The following DYNC1I1 variants were observed in gnomAD, a reference collection of about 807,000 sequenced individuals.
The protein encoded by DYNC1I1 is dynein cytoplasmic 1 intermediate chain 1.
A neutral mutation model predicts 86.6 loss-of-function variants in DYNC1I1; 43 were observed. The ratio of observed to expected loss-of-function variants is 0.50; its 90% CI spans 0.39 to 0.64. The LOEUF (loss-of-function observed/expected upper bound fraction) is 0.64. DYNC1I1 is among the 30% of genes least tolerant of loss of function. The pLI is 0.00. For missense variants in DYNC1I1, 604 were observed against 788.8 expected, an observed-to-expected ratio of 0.77 and a Z score of 2.81; for synonymous variants, 262 against 283.7, an observed-to-expected ratio of 0.92 and a Z score of 0.77.
chr7:95,992,289 A>C (rs1030994813), intron 9 of DYNC1I1, among the ~76,000 whole-genome samples: 1 of 152,172 alleles, frequency 6.6e-6, no homozygotes, highest in African/African-American at 2.4e-5. Flanking sequence ...CCTATAGAGA[A>C]GAGCCTATTA....
chr7:96,022,580 A>G (rs1794580345), intron 10 of DYNC1I1, among the ~76,000 whole-genome samples: 1 of 152,062 alleles, frequency 6.6e-6, no homozygotes, highest in Admixed American at 6.6e-5. Flanking sequence ...AAGAAAAAAG[A>G]GGCTGGATAT....
At chr7:95,825,391 A>T (rs1795183031) in intron 4 of DYNC1I1, among the ~76,000 whole-genome samples, 3 of 152,122 alleles carry the variant, frequency 2.0e-5, no homozygotes, top group Non-Finnish European at 2.9e-5. Context: ...AGTTGATCCT[A>T]CTCCTTGCAA....
At chr7:96,025,121 G>A (rs1458030156) in intron 10 of DYNC1I1, among the ~76,000 whole-genome samples, 3 of 152,066 alleles carry the variant, frequency 2.0e-5, no homozygotes, top group Non-Finnish European at 2.9e-5. Context: ...CCAAATGTTG[G>A]CCACCATTAC....
chr7:95,861,712 G>A (rs1367012375), intron 5 of DYNC1I1, among the ~76,000 whole-genome samples: 1 of 152,112 alleles, frequency 6.6e-6, no homozygotes, highest in Non-Finnish European at 1.5e-5. Context: ...ATCCGAATGT[G>A]AATTGTATAG....
intron 14 of DYNC1I1, among the ~76,000 whole-genome samples, chr7:96,039,730 A>T (rs984060384): frequency 6.6e-6 from 1 of 151,788 alleles, no homozygotes; most frequent in South Asian, 2.1e-4. Context: ...CACTGCCTGC[A>T]CCTCAGTCCC....
At chr7:96,038,075 A>T (rs1369996940) in intron 13 of DYNC1I1, among the ~76,000 whole-genome samples, 1 of 152,178 alleles carries the variant, frequency 6.6e-6, no homozygotes, top group Non-Finnish European at 1.5e-5. Flanking sequence ...CCTCGGGTTC[A>T]TTAGAACAAA....
intron 10 of DYNC1I1, among the ~76,000 whole-genome samples, chr7:96,026,056 G>A (rs1376155232): frequency 6.6e-6 from 1 of 152,118 alleles, no homozygotes; most frequent in African/African-American, 2.4e-5. Context: ...TTCATCAATT[G>A]AAAGCTAAGA....
chr7:96,050,583 G>A (rs1789377111), intron 14 of DYNC1I1, among the ~76,000 whole-genome samples: 2 of 152,074 alleles, frequency 1.3e-5, no homozygotes, highest in Non-Finnish European at 2.9e-5. Flanking sequence ...TATTTTGGGG[G>A]TGCTAAGTTC....
At chr7:96,093,294 C>G (rs1790901484) in intron 16 of DYNC1I1, among the ~76,000 whole-genome samples, 1 of 152,116 alleles carries the variant, frequency 6.6e-6, no homozygotes, top group Admixed American at 6.6e-5. Flanking sequence ...ATATCATCAT[C>G]CTTATTTTAC....
intron 5 of DYNC1I1, among the ~76,000 whole-genome samples, chr7:95,856,296 TAC>T (rs1438092116): frequency 6.6e-6 from 1 of 152,214 alleles, no homozygotes; most frequent in African/African-American, 2.4e-5. Context: ...GGGGCAATAA[TAC>T]ACATGAAGCT....
intron 6 of DYNC1I1, among the ~76,000 whole-genome samples, chr7:95,973,750 A>C (rs745733620): frequency 5.3e-5 from 8 of 152,154 alleles, no homozygotes; most frequent in Non-Finnish European, 1.2e-4. Flanking sequence ...GACTCTTCTG[A>C]GAATTAATGT....
At chr7:96,042,464 A>G (rs1409364398) in intron 14 of DYNC1I1, among the ~76,000 whole-genome samples, 1 of 152,214 alleles carries the variant, frequency 6.6e-6, no homozygotes, top group East Asian at 1.9e-4. Context: ...CCACTCAAGG[A>G]AACCAGGGAT....
chr7:95,984,763 G>A, intron 7 of DYNC1I1, 52 bp from the exon 8 acceptor site: 1 of 1,529,222 alleles, frequency 6.5e-7, no homozygotes, highest in Non-Finnish European at 8.7e-7. Flanking sequence ...AGTTTTAATT[G>A]TCACTTTTTC....
chr7:96,103,422 T>A (rs1193390124), downstream of DYNC1I1, among the ~76,000 whole-genome samples: 1 of 152,218 alleles, frequency 6.6e-6, no homozygotes, highest in Non-Finnish European at 1.5e-5. Flanking sequence ...ATCATCTCTG[T>A]CATGATTCTG....
At chr7:96,038,372 T>C (rs182573762) in intron 13 of DYNC1I1, among the ~76,000 whole-genome samples, 1 of 152,198 alleles carries the variant, frequency 6.6e-6, no homozygotes, top group Non-Finnish European at 1.5e-5. Flanking sequence ...TTTTCTCACA[T>C]CTTCCTAATT....
At chr7:95,984,089 A>G (rs977120008) in intron 7 of DYNC1I1, among the ~76,000 whole-genome samples, 1 of 152,200 alleles carries the variant, frequency 6.6e-6, no homozygotes, top group African/African-American at 2.4e-5. Flanking sequence ...ATGACATGCT[A>G]CTAGTTATTT....
At chr7:95,896,739 A>G (rs932727779) in intron 6 of DYNC1I1, among the ~76,000 whole-genome samples, 1 of 152,152 alleles carries the variant, frequency 6.6e-6, no homozygotes, top group African/African-American at 2.4e-5. Context: ...GGGAATTACA[A>G]ATGACTCTAA....
chr7:96,022,377 G>A (rs932840484), intron 10 of DYNC1I1, among the ~76,000 whole-genome samples: 1 of 152,112 alleles, frequency 6.6e-6, no homozygotes, highest in African/African-American at 2.4e-5. Context: ...TCAAATTTTA[G>A]AATCAGCTGC....
At chr7:95,779,448 C>T (rs372812407) in intron 1 of DYNC1I1, among the ~76,000 whole-genome samples, 14 of 152,220 alleles carry the variant, frequency 9.2e-5, no homozygotes, top group Non-Finnish European at 1.9e-4. Context: ...GTACAGGCCC[C>T]AGTCATGGTA....
Sources: allele counts gnomAD v4.1 joint callset (sites outside exome capture counted in the v4.1 genomes callset), GRCh38; gene constraint gnomAD v4.1.1; transcripts MANE v1.5; gene names NCBI Gene and HGNC (gene_info 2026-07-23, HGNC 2026-07-21).